Variants in COL6A1 observed in about 807,000 individuals in gnomAD.
COL6A1 encodes the protein collagen alpha-1(VI) chain.
Under a neutral mutation model 145.6 loss-of-function variants are expected in COL6A1, and 80 were observed. The observed-to-expected ratio is 0.55, with a 90% CI of 0.46 to 0.66. The LOEUF is 0.66. Among genes scored for constraint, COL6A1 ranks in the 30% least tolerant of loss-of-function variants. The probability of loss-of-function intolerance (pLI) is 0.00; values close to 1 mark genes in which losing one functional copy is unlikely to be tolerated. For missense variants in COL6A1, 1,364 were observed against 1,473.8 expected, an observed-to-expected ratio of 0.93 and a Z score of 1.22; for synonymous variants, 638 against 622.8, an observed-to-expected ratio of 1.02 and a Z score of -0.36.
chr21:46,003,203 G>A lies in COL6A1; in HGVS notation c.2464+54G>A, dbSNP rs768391247. ...GGGAGGAGGGCACCGTGGTTGGGGC[G>A]AGGGCTCTGAGAGGACGGGGCTCTG... On this transcript the variant is annotated intron_variant, in intron 34 of 34. Coordinates refer to ENST00000361866, the MANE Select transcript of COL6A1 (RefSeq NM_001848.3). 106 of 1,613,042 alleles carry A rather than the reference G, an allele frequency of 6.6e-5. 1 individual carries two copies. In the Middle Eastern group the frequency reaches 6.6e-4, roughly 10 times the overall value.
chr21:45,983,165 GGTTT>G (rs2077718025), intron 2 of COL6A1, among the ~76,000 whole-genome samples: 1 of 152,222 alleles, frequency 6.6e-6, no homozygotes, highest in Non-Finnish European at 1.5e-5. Flanking sequence ...CCTGGACCCT[GGTTT>G]GTTCCGTGGG....
Position 45,987,337 on chromosome 21 carries a change from C to T in COL6A1, c.738+162C>T, listed in dbSNP as rs531033030. 480 of 1,455,360 alleles carry T rather than the reference C, an allele frequency of 3.3e-4. 1 individual carries two copies. The East Asian group carries it at 5.1e-3, about 15-fold the overall frequency. The allele number at this position is 1,455,360 out of a possible 1,614,324, so 90.2% of individuals were successfully genotyped here. ...TGTGCCCGGGATGTGTGTCCCCCTG[C>T]GTGTCCACCTGTGTGTCTGCCCATG... On this transcript the variant is annotated intron_variant, in intron 6 of 34. Transcript: ENST00000361866.
rs1362751949 is a variant in COL6A1 at position 46,002,313 on chromosome 21, A to G, written c.2162A>G (p.Asn721Ser). The G allele has an allele frequency of 1.3e-6, 2 of 1,593,578 alleles. No homozygotes were observed. Among genetic ancestry groups the G allele is most frequent in the Non-Finnish European group, 1.7e-6 (2 of 1,171,924 alleles). The change falls in exon 32 of 35, where the codon AAC (asparagine) becomes AGC (serine). Residue 721 changes from asparagine to serine, a missense_variant. Physicochemically the swap from Asn to Ser is conservative, Grantham distance 46. Coordinates refer to ENST00000361866, the MANE Select transcript of COL6A1 (RefSeq NM_001848.3). ...CAGCTGCTGCCGCCCAGCCCGAACAACCGCATCGCCCTGGTCATCACTGAC... is the reference window on the plus strand; with the variant it reads ...CAGCTGCTGCCGCCCAGCCCGAACAGCCGCATCGCCCTGGTCATCACTGAC... ...RDQLLPPSPN[N>S]RIALVITDGR...
intron 2 of COL6A1, among the ~76,000 whole-genome samples, chr21:45,983,301 G>A (rs2077718773): frequency 6.6e-6 from 1 of 151,542 alleles, no homozygotes. Flanking sequence ...TTGGGACACG[G>A]CACCCTCTGC....
At chr21:45,991,082 G>A in intron 15 of COL6A1, 41 bp downstream of exon 15, 1 of 1,606,370 alleles carries the variant, frequency 6.2e-7, no homozygotes, top group Non-Finnish European at 8.5e-7. Flanking sequence ...GGCCTTCACG[G>A]TTGGCCAAGC....
Position 46,003,532 on chromosome 21 carries a change from A to G in COL6A1, c.2606A>G (p.His869Arg). ...FLTAGRTDPAHDVRVAVVQYS... is the reference protein window; with the variant it reads ...FLTAGRTDPARDVRVAVVQYS... Reference sequence around the variant, plus strand: ...ACAGCGGGCAGGACGGACCCCGCCCACGACGTGCGGGTGGCGGTGGTGCAG... The same window carrying G: ...ACAGCGGGCAGGACGGACCCCGCCCGCGACGTGCGGGTGGCGGTGGTGCAG... The change falls in exon 35 of 35, where the codon CAC (histidine) becomes CGC (arginine). Residue 869 changes from histidine (H) to arginine (R), a missense_variant. This residue lies in a region of COL6A1 where 938 missense variants were observed against 1,003.8 expected (regional missense o/e 0.93). Transcript: ENST00000361866. The G allele has an allele frequency of 1.2e-6, 2 of 1,611,862 alleles. No homozygotes were observed. The highest frequency in any genetic ancestry group is 1.1e-5 in the South Asian group (1 of 90,990).
chr21:45,991,655 G>A (rs1347365895), intron 15 of COL6A1, among the ~76,000 whole-genome samples: 1 of 152,204 alleles, frequency 6.6e-6, no homozygotes, highest in Non-Finnish European at 1.5e-5. Context: ...CTAGAACCCA[G>A]CAGACGGTTT....
intron 18 of COL6A1, 56 bp from the exon 19 acceptor site, chr21:45,992,692 A>G: frequency 6.6e-7 from 1 of 1,521,594 alleles, no homozygotes; most frequent in Admixed American, 2.0e-5. Context: ...GCCCCACCCC[A>G]GCTGGGTGTG....
rs550985329 is a variant in COL6A1 at position 45,997,546 on chromosome 21, G to A, written c.1461+63G>A. 7.0e-6 allele frequency: 11 copies of A among 1,573,938 alleles called. No homozygotes were observed. The African/African-American group carries it at 1.2e-4, about 17-fold the overall frequency. On this transcript the variant is annotated intron_variant, in intron 21 of 34. Coordinates refer to ENST00000361866, the MANE Select transcript of COL6A1 (RefSeq NM_001848.3). ...GGGGCCTGAGGATCCAGAACCCACT[G>A]TCTGCCCAGTGCTGGCCCCGTGCCC...
intron 1 of COL6A1, among the ~76,000 whole-genome samples, chr21:45,982,224 T>C (rs1174507249): frequency 6.6e-6 from 1 of 152,156 alleles, no homozygotes; most frequent in Non-Finnish European, 1.5e-5. Context: ...TGCGGGGCTG[T>C]CTCGGCGCCC....
intron 3 of COL6A1, 67 bp from the exon 4 acceptor site, chr21:45,986,459 C>T (rs1273415808): frequency 4.7e-6 from 7 of 1,502,390 alleles, no homozygotes; most frequent in Non-Finnish European, 5.4e-6. Flanking sequence ...ACCTCCCGGA[C>T]AGGCTTGGGT....
At chr21:46,003,068 GGGTTATA>G in intron 33 of COL6A1, 45 bp from the exon 34 acceptor site, 1 of 1,613,754 alleles carries the variant, frequency 6.2e-7, no homozygotes, top group South Asian at 1.1e-5. Context: ...TCTCCTTGCG[GGGTTATA>G]GGTGGAGCAG....
intron 19 of COL6A1, 119 bp downstream of exon 19, chr21:45,992,929 G>A (rs2077785177): frequency 1.1e-6 from 1 of 878,980 alleles, no homozygotes; most frequent in East Asian, 2.7e-5. Context: ...CCCTCAACGT[G>A]GCCAGCCCAT....
rs745575624 is a variant in COL6A1 at position 45,982,781 on chromosome 21, T to C, written c.227+18T>C. The C allele has an allele frequency of 1.2e-6, 2 of 1,610,954 alleles. No homozygotes were observed. The highest frequency in any genetic ancestry group is 2.2e-5 in the South Asian group (2 of 91,088). On this transcript the variant is annotated intron_variant, in intron 2 of 34. Coordinates refer to ENST00000361866, the MANE Select transcript of COL6A1 (RefSeq NM_001848.3). ...AGGGACAGGTAGGAGGGACGCCCCG[T>C]GACCTTCCTCCTGTGCTTCTGGGCC...
intron 2 of COL6A1, among the ~76,000 whole-genome samples, chr21:45,983,663 G>GGA (rs1460817869): frequency 6.6e-6 from 1 of 152,094 alleles, no homozygotes; most frequent in African/African-American, 2.4e-5. Context: ...GTGTTTGGGG[G>GGA]GGGGTCTGGC....
chr21:46,001,048 A>C (rs2077841643), intron 29 of COL6A1: 1 of 762,374 alleles, frequency 1.3e-6, no homozygotes, highest in Non-Finnish European at 2.1e-6. Context: ...AGCCTGGCTG[A>C]GCAACGCCAG....
chr21:46,003,656 C>CTA lies in COL6A1; in HGVS notation c.2730_2731insTA (p.Asn911Ter). ...GTGCCGTCGATGCCATGGACTTTAT[C>CTA]AACGACGCCACCGACGTCAACGATG... On this transcript the variant is annotated frameshift_variant, in exon 35 of 35. Transcript: ENST00000361866. LOFTEE classifies it high-confidence loss of function. The CTA allele has an allele frequency of 1.2e-6, 2 of 1,613,056 alleles. No individual in the cohort carries two copies. The highest frequency in any genetic ancestry group is 1.7e-6 in the Non-Finnish European group (2 of 1,179,936).
At chr21:46,001,452 C>T (rs2077844796) in intron 30 of COL6A1, 66 bp downstream of exon 30, 2 of 1,590,692 alleles carry the variant, frequency 1.3e-6, no homozygotes, top group African/African-American at 1.3e-5. Flanking sequence ...GCCGCCCCTG[C>T]CCGCGCCAGA....
chr21:46,003,901 C>G lies in COL6A1; in HGVS notation c.2975C>G (p.Ala992Gly), dbSNP rs1316734507. The G allele has an allele frequency of 1.2e-6, 2 of 1,602,844 alleles. No individual in the cohort carries two copies. The highest frequency in any genetic ancestry group is 1.1e-5 in the South Asian group (1 of 90,382). Residue 992 changes from alanine (A) to glycine (G), a missense_variant, in exon 35 of 35, where the codon GCC becomes GGC. Ala to Gly is a moderately conservative substitution (Grantham distance 60). This residue lies in a region of COL6A1 where 938 missense variants were observed against 1,003.8 expected (regional missense o/e 0.93). Transcript: ENST00000361866. ...HIRVLVTGKTAEYDVAYGESH... is the reference protein window; with the variant it reads ...HIRVLVTGKTGEYDVAYGESH... ...CGCGTCCTGGTCACCGGCAAGACGG[C>G]CGAGTACGACGTGGCCTACGGCGAG...
Sources: gnomAD v4.1 joint callset for allele counts (sites outside exome capture counted in the v4.1 genomes callset) on GRCh38, gnomAD v4.1.1 for gene constraint, gnomAD v4.1.1 regional missense constraint, MANE v1.5 for transcripts, NCBI Gene and HGNC (gene_info 2026-07-23, HGNC 2026-07-21) for gene names.